The following STAU2 variants were observed in gnomAD, a reference collection of about 807,000 sequenced individuals.
STAU2 encodes the protein staufen double-stranded RNA binding protein 2.
In STAU2, 20 loss-of-function variants were observed where a neutral mutation model predicts 65.9. The observed-to-expected ratio is 0.30, with a 90% CI of 0.21 to 0.44. The LOEUF (loss-of-function observed/expected upper bound fraction) is 0.44, where lower values mean the gene tolerates loss of function less well. Ranked by LOEUF, STAU2 falls within the 20% of genes least tolerant of loss-of-function variation. The pLI, the probability that STAU2 is intolerant of heterozygous loss-of-function variation, is 1.00. For synonymous variants in STAU2, 232 were observed against 233.9 expected, an observed-to-expected ratio of 0.99 and a Z score of 0.07; for missense variants, 558 against 683.9, an observed-to-expected ratio of 0.82 and a Z score of 2.05.
At chr8:73,463,392 T>G (rs1819479776) in intron 13 of STAU2, among the ~76,000 whole-genome samples, 1 of 152,252 alleles carries the variant, frequency 6.6e-6, no homozygotes. Flanking sequence ...ATTTCCTATG[T>G]GCCAGTTCTG....
intron 13 of STAU2, among the ~76,000 whole-genome samples, chr8:73,454,855 C>T (rs900847622): frequency 3.9e-5 from 6 of 152,184 alleles, no homozygotes; most frequent in African/African-American, 1.4e-4. Flanking sequence ...CACAGTAGGA[C>T]TGTGCCTCCC....
intron 12 of STAU2, among the ~76,000 whole-genome samples, chr8:73,563,968 T>A (rs1808417587): frequency 6.6e-6 from 1 of 152,166 alleles, no homozygotes. Flanking sequence ...AGTTGCAGTA[T>A]CCCAGATGAG....
chr8:73,703,112 C>T (rs1820237694), intron 4 of STAU2, among the ~76,000 whole-genome samples: 1 of 152,034 alleles, frequency 6.6e-6, no homozygotes, highest in Non-Finnish European at 1.5e-5. Context: ...GATCCGTGTC[C>T]CCACCCAAAT....
At chr8:73,560,173 C>T (rs1044122760) in intron 12 of STAU2, among the ~76,000 whole-genome samples, 5 of 150,932 alleles carry the variant, frequency 3.3e-5, no homozygotes, top group Admixed American at 6.6e-5. Context: ...CTCTGCCTCC[C>T]GGGTTCACGC....
intron 13 of STAU2, among the ~76,000 whole-genome samples, chr8:73,424,690 G>GT (rs2128878871): frequency 6.6e-6 from 1 of 152,066 alleles, no homozygotes; most frequent in Non-Finnish European, 1.5e-5. Context: ...AATTTAATGT[G>GT]TAATATTCAT....
At chr8:73,549,823 TA>T in intron 13 of STAU2, 1 of 984,852 alleles carries the variant, frequency 1.0e-6, no homozygotes, top group Non-Finnish European at 1.2e-6. Context: ...GTTTCAGAAA[TA>T]AAAGTAACAG....
Position 73,688,822 on chromosome 8 carries a change from A to C in STAU2, c.115-9T>G, listed in dbSNP as rs1173987120. 6.2e-7 allele frequency: 1 copy of C among 1,610,032 alleles called. No individual in the cohort carries two copies. The highest frequency in any genetic ancestry group is 1.3e-5 in the African/African-American group (1 of 74,704). On this transcript the variant is annotated splice_polypyrimidine_tract_variant and intron_variant, in intron 4 of 14. Coordinates refer to ENST00000524300, the MANE Select transcript of STAU2 (RefSeq NM_001164380.2). ...AGCTGCACTGAGAACATCTTAGAAA[A>C]ACATAAATAGACAAAGAAAACATTA...
At chr8:73,546,148 G>GTTTTTTTTTTTTTTTTTTTCTTTTT in intron 13 of STAU2, among the ~76,000 whole-genome samples, 1 of 116,462 alleles carries the variant, frequency 8.6e-6, no homozygotes, top group Non-Finnish European at 1.6e-5. Flanking sequence ...TTTTTTTTTG[G>GTTTTTTTTTTTTTTTTTTTCTTTTT]TAGAGACAGA....
intron 13 of STAU2, among the ~76,000 whole-genome samples, chr8:73,457,023 T>C (rs906000486): frequency 1.2e-4 from 19 of 152,230 alleles, no homozygotes; most frequent in Non-Finnish European, 2.5e-4. Context: ...TTAACTTGCA[T>C]TGGGAATTCT....
rs16938697 is a variant in STAU2 at position 73,583,529 on chromosome 8, G to A, written c.1162-699C>T. 6.6e-3 allele frequency among the ~76,000 whole-genome samples: 999 copies of A among 152,072 alleles called. 20 individuals carry two copies. The highest frequency in any genetic ancestry group is 0.023 in the African/African-American group (951 of 41,500). ...CCAAAAGAGCTTTTGTATGATTCCCGAGGTCAAATTAACAACCTAACAATC... is the reference window on the plus strand; with the variant it reads ...CCAAAAGAGCTTTTGTATGATTCCCAAGGTCAAATTAACAACCTAACAATC... On this transcript the variant is annotated intron_variant, in intron 11 of 14. Coordinates refer to ENST00000524300, the MANE Select transcript of STAU2 (RefSeq NM_001164380.2).
chr8:73,563,580 C>T (rs1808389502), intron 12 of STAU2, among the ~76,000 whole-genome samples: 1 of 152,056 alleles, frequency 6.6e-6, no homozygotes, highest in Non-Finnish European at 1.5e-5. Flanking sequence ...AAGGTGTTAC[C>T]AGAGATAAAC....
At chr8:73,599,359 C>T (rs1811454306) in intron 10 of STAU2, among the ~76,000 whole-genome samples, 2 of 152,066 alleles carry the variant, frequency 1.3e-5, no homozygotes, top group African/African-American at 4.8e-5. Flanking sequence ...TTTAAAATGC[C>T]ATATAACTGC....
chr8:73,608,612 T>TAAA (rs61070069), intron 9 of STAU2, among the ~76,000 whole-genome samples: 3 of 136,306 alleles, frequency 2.2e-5, no homozygotes, highest in African/African-American at 2.8e-5. Context: ...CTCCGTCCCA[T>TAAA]AAAAAAAAAA....
intron 6 of STAU2, among the ~76,000 whole-genome samples, chr8:73,625,949 G>C (rs1156561920): frequency 6.6e-6 from 1 of 151,878 alleles, no homozygotes; most frequent in Non-Finnish European, 1.5e-5. Flanking sequence ...TTGCTAGGGG[G>C]GTATGTGAAT....
At chr8:73,662,599 TTTGTTG>T (rs370019142) in intron 6 of STAU2, among the ~76,000 whole-genome samples, 35 of 150,700 alleles carry the variant, frequency 2.3e-4, no homozygotes, top group East Asian at 1.4e-3. Flanking sequence ...TTCAGGGGTT[TTTGTTG>T]TTGTTGTTGT....
intron 5 of STAU2, among the ~76,000 whole-genome samples, chr8:73,682,206 C>T (rs952006446): frequency 3.3e-5 from 5 of 151,908 alleles, no homozygotes. Flanking sequence ...GAACATATTC[C>T]AAGACAGACC....
intron 5 of STAU2, among the ~76,000 whole-genome samples, chr8:73,687,693 G>A (rs1279848809): frequency 1.3e-5 from 2 of 151,006 alleles, no homozygotes; most frequent in East Asian, 1.9e-4. Context: ...GGGAGCCACT[G>A]CACCAAGCCA....
At chr8:73,550,008 C>T (rs372241426) in intron 13 of STAU2, 11 of 985,490 alleles carry the variant, frequency 1.1e-5, no homozygotes, top group Middle Eastern at 5.2e-4. Context: ...CCTTCTGCTG[C>T]GACATTATGA....
chr8:73,634,328 G>A (rs554464616), intron 6 of STAU2, among the ~76,000 whole-genome samples: 1 of 152,162 alleles, frequency 6.6e-6, no homozygotes, highest in South Asian at 2.1e-4. Context: ...AAGAGATTGA[G>A]ACCATCCTGG....
Sources: gnomAD v4.1 joint callset for allele counts (sites outside exome capture counted in the v4.1 genomes callset) on GRCh38, gnomAD v4.1.1 for gene constraint, MANE v1.5 for transcripts, NCBI Gene and HGNC (gene_info 2026-07-23, HGNC 2026-07-21) for gene names.